PLA2R1: variants seen among roughly 807,000 people sequenced by gnomAD.
PLA2R1 encodes the protein secretory phospholipase A2 receptor.
A neutral mutation model predicts 195.9 loss-of-function variants in PLA2R1; 158 were observed. The ratio of observed to expected loss-of-function variants is 0.81; its 90% CI spans 0.71 to 0.92. The LOEUF (loss-of-function observed/expected upper bound fraction) is 0.92. Among genes scored for constraint, PLA2R1 ranks in the 40% least tolerant of loss-of-function variants. The probability of loss-of-function intolerance (pLI) is 0.00; values close to 1 mark genes in which losing one functional copy is unlikely to be tolerated. For synonymous variants in PLA2R1, 586 were observed against 598.2 expected (o/e 0.98, Z 0.30); for missense variants, 1,626 against 1,764.6 (o/e 0.92, Z 1.41).
chr2:159,984,721 G>A (rs756802872), intron 12 of PLA2R1, among the ~76,000 whole-genome samples: 3 of 152,204 alleles, frequency 2.0e-5, no homozygotes, highest in Non-Finnish European at 4.4e-5. Context: ...GAAGCCAGAT[G>A]AATGGAAGGT....
chr2:159,977,929 CA>C (rs1364367732), intron 14 of PLA2R1, among the ~76,000 whole-genome samples: 1 of 150,864 alleles, frequency 6.6e-6, no homozygotes, highest in South Asian at 2.1e-4. Context: ...GACTCTGTCT[CA>C]AAAAAAATAA....
chr2:160,022,065 C>T lies in PLA2R1; in HGVS notation c.1294+600G>A, dbSNP rs1450299295. Among the ~76,000 whole-genome samples the T allele has an allele frequency of 5.3e-5, 8 of 152,222 alleles. No individual in the cohort carries two copies. The East Asian group carries it at 1.5e-3, about 29-fold the overall frequency. On this transcript the variant is annotated intron_variant, in intron 7 of 29. Coordinates refer to ENST00000283243, the MANE Select transcript of PLA2R1 (RefSeq NM_007366.5). Reference sequence around the variant, plus strand: ...AAAGGTCATCAAAGGAGATCCTGGACATTTTTTTGTATTTTTAAAAAACTG... The same window carrying T: ...AAAGGTCATCAAAGGAGATCCTGGATATTTTTTTGTATTTTTAAAAAACTG...
Position 159,941,921 on chromosome 2 carries a change from A to G in PLA2R1, c.4249T>C (p.Ser1417Pro). 1.9e-6 allele frequency: 3 copies of G among 1,613,962 alleles called. No individual in the cohort carries two copies. Among genetic ancestry groups the G allele is most frequent in the Admixed American group, 1.7e-5 (1 of 60,006 alleles). ...CCGTTATGCTTGTATATGCAGAAGG[A>G]AAGTGTGCAAATGGCCACAATGACT... Reference protein sequence around the residue: ...LIVIVAICTLSFCIYKHNGGF... With the variant: ...LIVIVAICTLPFCIYKHNGGF... The change falls in exon 30 of 30, where the codon TCC (serine) becomes CCC (proline). Residue 1417 changes from serine to proline, a missense_variant. Coordinates refer to ENST00000283243, the MANE Select transcript of PLA2R1 (RefSeq NM_007366.5).
chr2:159,956,592 A>G lies in PLA2R1; in HGVS notation c.2940T>C (p.Ser980=). 6.2e-7 allele frequency: 1 copy of G among 1,613,006 alleles called. No homozygotes were observed. The highest frequency in any genetic ancestry group is 1.1e-5 in the South Asian group (1 of 91,034). Residue 980 remains serine (S), a synonymous_variant, in exon 21 of 30, where the codon AGT becomes AGC. Transcript: ENST00000283243. ...LLLNIPKDPS[S]WKNWTHAQHF... is the part of the protein sequence containing the mutation. Reference sequence around the variant, plus strand: ...GTTGAGCATGCGTCCAGTTCTTCCAACTGCTTGGGTCTTTGGGGATATTCA... The same window carrying G: ...GTTGAGCATGCGTCCAGTTCTTCCAGCTGCTTGGGTCTTTGGGGATATTCA...
At chr2:159,966,379 G>A (rs967655201) in intron 20 of PLA2R1, among the ~76,000 whole-genome samples, 4 of 152,090 alleles carry the variant, frequency 2.6e-5, no homozygotes, top group African/African-American at 7.2e-5. Context: ...GTTGCCAAGG[G>A]GTTCAGAGTA....
intron 24 of PLA2R1, among the ~76,000 whole-genome samples, chr2:159,950,318 T>A (rs1560136952): frequency 6.6e-6 from 1 of 152,230 alleles, no homozygotes; most frequent in South Asian, 2.1e-4. Flanking sequence ...TTGACAAGGA[T>A]GTGAAAAAAC....
chr2:160,034,136 T>G lies in PLA2R1; in HGVS notation c.668-1004A>C, dbSNP rs115892871. ...GTAAAGAAACATGCTTACTGTTAAT[T>G]TAGTGTACTTCAAACTTATTTGACA... On this transcript the variant is annotated intron_variant, in intron 3 of 29. Transcript: ENST00000283243. Among the ~76,000 whole-genome samples, 759 of 152,362 alleles carry G rather than the reference T, an allele frequency of 5.0e-3. 10 individuals are homozygous for G. The highest frequency in any genetic ancestry group is 0.017 in the African/African-American group (704 of 41,584).
chr2:159,988,850 A>G lies in PLA2R1; in HGVS notation c.1835-1492T>C, dbSNP rs538494859. Among the ~76,000 whole-genome samples, 8 of 152,312 alleles carry G rather than the reference A, an allele frequency of 5.3e-5. No homozygotes were observed. The South Asian group carries it at 8.3e-4, about 16-fold the overall frequency. ...AGAGGGAAAATGAAGAGTGCAAAGG[A>G]GAAGAAAGAAGACAAAGGAAGACAT... On this transcript the variant is annotated intron_variant, in intron 11 of 29. Coordinates refer to ENST00000283243, the MANE Select transcript of PLA2R1 (RefSeq NM_007366.5).
At chr2:160,020,039 G>A in intron 8 of PLA2R1, 67 bp downstream of exon 8, 1 of 1,239,152 alleles carries the variant, frequency 8.1e-7, no homozygotes, top group Non-Finnish European at 1.2e-6. Flanking sequence ...ACAGCCCAAA[G>A]CTCCAACACA....
At chr2:159,967,467 A>G (rs943898952) in intron 20 of PLA2R1, 72 bp downstream of exon 20, 1 of 1,356,348 alleles carries the variant, frequency 7.4e-7, no homozygotes, top group South Asian at 1.4e-5. Flanking sequence ...AGCCACTTTC[A>G]CTTTTTGAAC....
intron 8 of PLA2R1, 36 bp from the exon 9 acceptor site, chr2:160,016,748 T>G (rs747824315): frequency 6.2e-6 from 6 of 962,378 alleles, no homozygotes; most frequent in Non-Finnish European, 8.5e-6. Context: ...ATGAATACAC[T>G]CTGTGCTGAT....
chr2:159,953,904 G>A (rs962868209), intron 23 of PLA2R1, among the ~76,000 whole-genome samples: 5 of 152,178 alleles, frequency 3.3e-5, no homozygotes, highest in African/African-American at 1.2e-4. Flanking sequence ...TGCGATCTCG[G>A]CTCACTGCAA....
Position 159,947,451 on chromosome 2 carries a change from A to G in PLA2R1, c.3818T>C (p.Phe1273Ser), listed in dbSNP as rs1333098577. 1 of 1,606,848 alleles carries G rather than the reference A, an allele frequency of 6.2e-7. No homozygotes were observed. Among genetic ancestry groups the G allele is most frequent in the East Asian group, 2.2e-5 (1 of 44,526 alleles). ...TTTGCAAAATTCATGAGCAGCCTCA[A>G]AACTCATACTGTCTAGGACTGTAGA... ...SFSTVLDSMS[F>S]EAAHEFCKKE... Residue 1273 changes from phenylalanine (F) to serine (S), a missense_variant, in exon 26 of 30, where the codon TTT (phenylalanine) becomes TCT (serine). Phe to Ser is a radical substitution (Grantham distance 155). Transcript: ENST00000283243.
intron 7 of PLA2R1, among the ~76,000 whole-genome samples, 199 bp from the exon 8 acceptor site, chr2:160,020,462 C>T (rs1693036125): frequency 1.3e-5 from 2 of 152,052 alleles, no homozygotes. Context: ...ATGTTTGTCC[C>T]CTCCAAAATT....
At position 159,967,672 on chromosome 2, in the gene PLA2R1, C is replaced by A; in HGVS notation, c.2771G>T (p.Trp924Leu). The A allele has an allele frequency of 6.2e-7, 1 of 1,613,502 alleles. No individual in the cohort carries two copies. The highest frequency in any genetic ancestry group is 8.5e-7 in the Non-Finnish European group (1 of 1,179,678). Residue 924 changes from tryptophan (W) to leucine (L), a missense_variant, in exon 20 of 30, where the codon TGG becomes TTG. Transcript: ENST00000283243. ...CGFISSITGL[W>L]GSEECSVSMP... ...AGAAACTGAACACTCTTCACTACCC[C>A]AGAGTCCTGGAGGAGAAAATGGGTT...
chr2:160,039,649 C>T (rs935308101), intron 3 of PLA2R1, among the ~76,000 whole-genome samples: 13 of 151,964 alleles, frequency 8.6e-5, no homozygotes, highest in East Asian at 3.8e-4. Context: ...TTTCAATCTC[C>T]GACACGTCAT....
At chr2:160,027,512 A>G (rs1041037621) in intron 6 of PLA2R1, among the ~76,000 whole-genome samples, 1 of 152,240 alleles carries the variant, frequency 6.6e-6, no homozygotes, top group Non-Finnish European at 1.5e-5. Context: ...AAGGAAAATG[A>G]AAGTTAAAAC....
At chr2:160,051,590 T>C (rs1309028005) in intron 1 of PLA2R1, among the ~76,000 whole-genome samples, 1 of 152,238 alleles carries the variant, frequency 6.6e-6, no homozygotes, top group East Asian at 1.9e-4. Context: ...TCTTTATCTG[T>C]TCCATCTAGT....
chr2:159,967,692 T>A lies in PLA2R1; in HGVS notation c.2765-14A>T, dbSNP rs771071445. 6.2e-7 allele frequency: 1 copy of A among 1,611,098 alleles called. No homozygotes were observed. Among genetic ancestry groups the A allele is most frequent in the South Asian group, 1.1e-5 (1 of 90,454 alleles). On this transcript the variant is annotated splice_polypyrimidine_tract_variant and intron_variant, in intron 19 of 29. Transcript: ENST00000283243. The stretch of plus-strand genomic sequence containing the variant: ...TACCCCAGAGTCCTGGAGGAGAAAA[T>A]GGGTTAGAAATGGCTTAGGAACAAT...
Sources: allele counts gnomAD v4.1 joint callset (sites outside exome capture counted in the v4.1 genomes callset), GRCh38; gene constraint gnomAD v4.1.1; transcripts MANE v1.5; gene names NCBI Gene and HGNC (gene_info 2026-07-23, HGNC 2026-07-21).